Variants in PNPLA1 observed in about 807,000 individuals in gnomAD.
PNPLA1 encodes the protein patatin like domain 1, omega-hydroxyceramide transacylase, also known as omega-hydroxyceramide transacylase.
Under a neutral mutation model 51.7 loss-of-function variants are expected in PNPLA1, and 36 were observed. The observed-to-expected ratio is 0.70, with a 90% confidence interval of 0.53 to 0.92. PNPLA1 has a LOEUF of 0.92. Among genes scored for constraint, PNPLA1 ranks in the 40% least tolerant of loss-of-function variants. The pLI is 0.00. For missense variants in PNPLA1, 658 were observed against 682.5 expected (o/e 0.96, Z 0.40); for synonymous variants, 293 against 280.1 (o/e 1.05, Z -0.46).
intron 1 of PNPLA1, among the ~76,000 whole-genome samples, chr6:36,261,570 C>T (rs571701048): frequency 6.6e-4 from 101 of 152,216 alleles, no homozygotes; most frequent in Non-Finnish European, 1.2e-3. Context: ...TCACCTCAGA[C>T]GTGGTTCCAA....
At chr6:36,245,182 G>T (rs992156867) in intron 1 of PNPLA1, among the ~76,000 whole-genome samples, 2 of 152,170 alleles carry the variant, frequency 1.3e-5, no homozygotes, top group Non-Finnish European at 2.9e-5. Context: ...CTTCCTCCAG[G>T]CCCCTCAGGA....
intron 8 of PNPLA1, among the ~76,000 whole-genome samples, chr6:36,308,775 G>A (rs567549162): frequency 3.3e-5 from 5 of 152,112 alleles, no homozygotes; most frequent in Non-Finnish European, 7.4e-5. Flanking sequence ...TTCAAAATGA[G>A]AGCCTCAGAT....
intron 1 of PNPLA1, among the ~76,000 whole-genome samples, chr6:36,254,772 G>T (rs1475365897): frequency 6.6e-6 from 1 of 152,068 alleles, no homozygotes; most frequent in Non-Finnish European, 1.5e-5. Context: ...AGACCTCTCT[G>T]GGCCATTGGT....
At chr6:36,285,376 G>GC (rs1770455422) in intron 1 of PNPLA1, among the ~76,000 whole-genome samples, 1 of 152,186 alleles carries the variant, frequency 6.6e-6, no homozygotes, top group South Asian at 2.1e-4. Flanking sequence ...TGAGCCTGGG[G>GC]CCCCGCAGTC....
rs941216944 is a variant in PNPLA1, at chr6:36,290,098, C to T, written c.206-1222C>T. 2.0e-5 allele frequency among the ~76,000 whole-genome samples: 3 copies of T among 152,338 alleles called. No homozygotes were observed. In the East Asian group the frequency reaches 5.8e-4, roughly 29 times the overall value. The stretch of plus-strand genomic sequence containing the variant: ...TTTGATAAACTCTCTGACAGAGATA[C>T]TTGCCTAGCCTCTGCCTGGTTACCT... On this transcript the variant is annotated intron_variant, in intron 1 of 8. Transcript: ENST00000636260.
intron 1 of PNPLA1, among the ~76,000 whole-genome samples, chr6:36,283,500 A>G (rs1770383922): frequency 6.6e-6 from 1 of 152,176 alleles, no homozygotes; most frequent in African/African-American, 2.4e-5. Context: ...TCACCACGTA[A>G]GGAAGAATCT....
In PNPLA1 at chr6:36,302,007, A is replaced by G; in HGVS notation, c.922A>G (p.Thr308Ala). 2 of 1,614,230 alleles carry G rather than the reference A, an allele frequency of 1.2e-6. No individual in the cohort carries two copies. The highest frequency in any genetic ancestry group is 1.7e-6 in the Non-Finnish European group (2 of 1,180,042). The part of the protein sequence containing the change: ...RARQASLEGA[T>A]QPHKEWVPKG... The stretch of plus-strand genomic sequence containing the variant: ...ACGGCAGGCCAGTCTGGAAGGAGCC[A>G]CACAACCTCACAAGGAGTGGGTTCC... The change falls in exon 6 of 9, where the codon ACA (threonine) becomes GCA (alanine). Residue 308 changes from threonine (T) to alanine (A), a missense_variant. Transcript: ENST00000636260.
At chr6:36,271,737 AG>A (rs1769922671) in intron 1 of PNPLA1, among the ~76,000 whole-genome samples, 1 of 152,152 alleles carries the variant, frequency 6.6e-6, no homozygotes, top group African/African-American at 2.4e-5. Flanking sequence ...GGTGTGGAAA[AG>A]GTGGTGGGAG....
At position 36,312,200 on chromosome 6, in the gene PNPLA1, C is replaced by G. The variant is rs764365625; in HGVS notation, c.*314C>G. The stretch of plus-strand genomic sequence containing the variant: ...AATCGCCTACCCCTTTTATATGGCA[C>G]TGTACCCTTGTATAGTGTAAAATCT... On this transcript the variant is annotated 3_prime_UTR_variant, in exon 9 of 9. Coordinates refer to ENST00000636260, the MANE Select transcript of PNPLA1 (RefSeq NM_001374623.1). The G allele has an allele frequency of 6.6e-6, 1 of 152,216 alleles. No homozygotes were observed. Among genetic ancestry groups the G allele is most frequent in the Admixed American group, 6.5e-5 (1 of 15,282 alleles). The allele number at this position is 152,216 out of a possible 1,614,324, so 9.4% of individuals were successfully genotyped here.
Position 36,251,749 on chromosome 6 carries a change from G to A in PNPLA1, c.-81+8488G>A, listed in dbSNP as rs533204794. ...GGCCAGGAGTTCGAAACCAACCTGG[G>A]CAACATAGTGAGAGACCCGTCTCTA... On this transcript the variant is annotated intron_variant, in intron 1 of 7. Coordinates refer to the PNPLA1 transcript ENST00000312917. Among the ~76,000 whole-genome samples the A allele has an allele frequency of 3.9e-5, 6 of 152,150 alleles. No homozygotes were observed. The East Asian group carries it at 1.2e-3, about 29-fold the overall frequency.
chr6:36,250,676 G>A (rs1339223399), intron 1 of PNPLA1, among the ~76,000 whole-genome samples: 1 of 152,202 alleles, frequency 6.6e-6, no homozygotes, highest in African/African-American at 2.4e-5. Flanking sequence ...CAGGGAGACA[G>A]GCAAGTTGGT....
At chr6:36,287,794 A>ACACACC (rs1554137288) in intron 1 of PNPLA1, among the ~76,000 whole-genome samples, 5 of 133,646 alleles carry the variant, frequency 3.7e-5, no homozygotes, top group Admixed American at 1.5e-4. Context: ...ACACACACAC[A>ACACACC]CCCCTGGAGA....
chr6:36,307,384 T>C (rs1471418667), intron 7 of PNPLA1, among the ~76,000 whole-genome samples: 1 of 152,000 alleles, frequency 6.6e-6, no homozygotes, highest in Non-Finnish European at 1.5e-5. Context: ...AAAGTCGGAG[T>C]TTCATTTGAC....
intron 1 of PNPLA1, among the ~76,000 whole-genome samples, chr6:36,290,309 G>T (rs1198734941): frequency 6.6e-6 from 1 of 152,204 alleles, no homozygotes; most frequent in Non-Finnish European, 1.5e-5. Context: ...GCTTGCACAG[G>T]GTAGAGATGA....
intron 2 of PNPLA1, 34 bp downstream of exon 2, chr6:36,291,586 A>ACCGGGGG: frequency 2.3e-5 from 1 of 42,832 alleles, no homozygotes; most frequent in Non-Finnish European, 4.3e-5. Flanking sequence ...AGGGACACGG[A>ACCGGGGG]GGGGGCGGGG....
intron 1 of PNPLA1, among the ~76,000 whole-genome samples, chr6:36,281,546 G>A (rs1770282903): frequency 6.6e-6 from 1 of 152,036 alleles, no homozygotes; most frequent in Non-Finnish European, 1.5e-5. Flanking sequence ...GAGGAAACAG[G>A]GATTTAGAGA....
intron 1 of PNPLA1, among the ~76,000 whole-genome samples, chr6:36,282,096 G>A (rs201832545): frequency 0.38 from 17,993 of 47,202 alleles, 2,258 homozygotes; most frequent in East Asian, 0.41. Flanking sequence ...AAAGAAGGAA[G>A]GAAGGAAGGA....
intron 1 of PNPLA1, among the ~76,000 whole-genome samples, chr6:36,271,935 T>C (rs2127324902): frequency 6.6e-6 from 1 of 152,320 alleles, no homozygotes; most frequent in East Asian, 1.9e-4. Context: ...TGCGCCTCTG[T>C]TTCTCCGTCC....
chr6:36,286,586 A>C (rs770301735), intron 1 of PNPLA1, among the ~76,000 whole-genome samples: 1 of 152,134 alleles, frequency 6.6e-6, no homozygotes, highest in Non-Finnish European at 1.5e-5. Flanking sequence ...AAAAGTTTAA[A>C]TTAAATTTAA....
Sources: allele counts gnomAD v4.1 joint callset (sites outside exome capture counted in the v4.1 genomes callset), GRCh38; gene constraint gnomAD v4.1.1; transcripts MANE v1.5; gene names NCBI Gene and HGNC (gene_info 2026-07-23, HGNC 2026-07-21).